PPP1R9A: variants seen among roughly 807,000 people sequenced by gnomAD.
The protein encoded by PPP1R9A is neurabin-1.
Under a neutral mutation model 141.9 loss-of-function variants are expected in PPP1R9A, and 59 were observed. The observed-to-expected ratio is 0.42, with a 90% CI of 0.34 to 0.52. The LOEUF is 0.52. PPP1R9A is among the 20% of genes least tolerant of loss of function. The pLI is 0.10. For missense variants in PPP1R9A, 1,444 were observed against 1,611.9 expected (o/e 0.90, Z 1.78); for synonymous variants, 500 against 569.7 (o/e 0.88, Z 1.74).
chr7:94,911,263 C>T lies in PPP1R9A; in HGVS notation c.1150C>T (p.Pro384Ser). ...ASASSCGKEV[P>S]EDSNNFDGSH... is the part of the protein sequence containing the mutation. ...TGCATCCAGTTGTGGAAAAGAAGTA[C>T]CTGAAGATTCAAATAATTTTGATGG... Residue 384 changes from proline (P) to serine (S), a missense_variant, in exon 2 of 20, where the codon CCT (proline) becomes TCT (serine). Pro to Ser is a moderately conservative substitution (Grantham distance 74, BLOSUM62 -1). Around this residue, in one of 5 missense-constraint regions of PPP1R9A, gnomAD observed 490 missense variants for 521.1 expected, o/e 0.94. Coordinates refer to ENST00000433360, the MANE Select transcript of PPP1R9A (RefSeq NM_001166160.2). 2.5e-6 allele frequency: 4 copies of T among 1,614,070 alleles called. No individual in the cohort carries two copies. The highest frequency in any genetic ancestry group is 3.4e-6 in the Non-Finnish European group (4 of 1,180,016).
chr7:95,050,387 G>A (rs1413240571), intron 2 of PPP1R9A, among the ~76,000 whole-genome samples: 1 of 152,098 alleles, frequency 6.6e-6, no homozygotes, highest in Non-Finnish European at 1.5e-5. Context: ...GATACCTCTT[G>A]TGATAGGCAT....
Position 95,060,656 on chromosome 7 carries a change from A to T in PPP1R9A, c.1396-50603A>T, listed in dbSNP as rs146437343. On this transcript the variant is annotated intron_variant, in intron 2 of 19. Transcript: ENST00000433360. ...TCCCCCATAAGTTACAACTGGATTT[A>T]GATGCTGACATCATCTAGATATGGT... Among the ~76,000 whole-genome samples, 12 of 152,344 alleles carry T rather than the reference A, an allele frequency of 7.9e-5. No individual in the cohort carries two copies. In the East Asian group the frequency reaches 1.9e-3, roughly 24 times the overall value.
chr7:95,172,207 A>G (rs1005357965), intron 5 of PPP1R9A, among the ~76,000 whole-genome samples: 1 of 151,626 alleles, frequency 6.6e-6, no homozygotes, highest in Non-Finnish European at 1.5e-5. Flanking sequence ...AAATATCTCT[A>G]CCCTCACCAC....
chr7:95,086,011 TTC>T (rs1382991540), intron 2 of PPP1R9A, among the ~76,000 whole-genome samples: 10 of 152,048 alleles, frequency 6.6e-5, no homozygotes, highest in African/African-American at 2.4e-4. Flanking sequence ...TGTGTTTTTT[TTC>T]TTTTTTTAAA....
At chr7:95,037,609 A>G (rs1161225911) in intron 2 of PPP1R9A, among the ~76,000 whole-genome samples, 1 of 152,196 alleles carries the variant, frequency 6.6e-6, no homozygotes, top group African/African-American at 2.4e-5. Flanking sequence ...GTTGCTCTCT[A>G]TCATTAGCAC....
chr7:94,996,103 A>G (rs1381286296), intron 2 of PPP1R9A, among the ~76,000 whole-genome samples: 2 of 152,176 alleles, frequency 1.3e-5, no homozygotes, highest in Non-Finnish European at 2.9e-5. Context: ...CCAGTCTGGT[A>G]GAAGGACTGG....
chr7:95,125,206 C>T (rs1419073786), intron 4 of PPP1R9A, among the ~76,000 whole-genome samples: 1 of 152,102 alleles, frequency 6.6e-6, no homozygotes, highest in Non-Finnish European at 1.5e-5. Context: ...ACCTCAAACT[C>T]TTGGGCTCAA....
Position 95,262,324 on chromosome 7 carries a change from C to T in PPP1R9A, c.2666-6226C>T, listed in dbSNP as rs563084239. On this transcript the variant is annotated intron_variant, in intron 12 of 19. Transcript: ENST00000433360. ...GTCATTTGATTACATTTTTGTATTT[C>T]CCTGGCTTTTAGGTTATGCAGATCT... is the stretch of plus-strand genomic sequence containing the variant. Among the ~76,000 whole-genome samples the T allele has an allele frequency of 1.8e-3, 278 of 152,270 alleles. 1 individual carries two copies. The highest frequency in any genetic ancestry group is 6.4e-3 in the African/African-American group (268 of 41,578).
chr7:95,148,434 A>C (rs575008781), intron 4 of PPP1R9A, among the ~76,000 whole-genome samples: 2 of 152,332 alleles, frequency 1.3e-5, no homozygotes, highest in South Asian at 4.1e-4. Flanking sequence ...CTCTGTGCCC[A>C]CAAGTTTGAC....
At chr7:95,224,596 A>T (rs1005217513) in intron 7 of PPP1R9A, among the ~76,000 whole-genome samples, 11 of 152,156 alleles carry the variant, frequency 7.2e-5, no homozygotes, top group African/African-American at 2.7e-4. Flanking sequence ...GGCAACTAGA[A>T]TTATTTTATT....
intron 2 of PPP1R9A, among the ~76,000 whole-genome samples, chr7:95,017,901 T>C (rs1203095557): frequency 6.6e-6 from 1 of 152,232 alleles, no homozygotes; most frequent in Non-Finnish European, 1.5e-5. Flanking sequence ...TGTTCTAGAC[T>C]ATCTTTCCAA....
chr7:95,019,877 A>T (rs1563128702), intron 2 of PPP1R9A, among the ~76,000 whole-genome samples: 1 of 152,178 alleles, frequency 6.6e-6, no homozygotes, highest in Non-Finnish European at 1.5e-5. Flanking sequence ...AAATGAAAAC[A>T]TGTGCCCATA....
intron 2 of PPP1R9A, among the ~76,000 whole-genome samples, chr7:95,082,827 CT>C (rs1002067592): frequency 7.0e-6 from 1 of 143,086 alleles, no homozygotes; most frequent in Non-Finnish European, 1.5e-5. Flanking sequence ...GCGAACTCGG[CT>C]CACTGCAAGC....
intron 2 of PPP1R9A, among the ~76,000 whole-genome samples, chr7:94,922,912 CT>C (rs1403790167): frequency 6.6e-6 from 1 of 152,094 alleles, no homozygotes; most frequent in Non-Finnish European, 1.5e-5. Context: ...AACAAAAACA[CT>C]TTTTAAAATG....
At chr7:95,125,076 A>T (rs1172941822) in intron 4 of PPP1R9A, among the ~76,000 whole-genome samples, 2 of 152,326 alleles carry the variant, frequency 1.3e-5, no homozygotes, top group African/African-American at 4.8e-5. Flanking sequence ...ACTTTATCCT[A>T]TGATGCCTTA....
At chr7:95,071,039 T>C (rs1813748809) in intron 2 of PPP1R9A, among the ~76,000 whole-genome samples, 1 of 151,966 alleles carries the variant, frequency 6.6e-6, no homozygotes. Flanking sequence ...CATATCAAAC[T>C]GGAAGGTAGT....
At chr7:95,148,687 A>AC (rs1828084478) in intron 4 of PPP1R9A, among the ~76,000 whole-genome samples, 1 of 140,572 alleles carries the variant, frequency 7.1e-6, no homozygotes, top group Admixed American at 7.2e-5. Flanking sequence ...CTCTAAAAAT[A>AC]CAAAAAAAAA....
chr7:95,079,801 A>G (rs1815501508), intron 2 of PPP1R9A, among the ~76,000 whole-genome samples: 2 of 152,238 alleles, frequency 1.3e-5, no homozygotes, highest in African/African-American at 4.8e-5. Context: ...AAATCAATAA[A>G]TGTAATCCGG....
intron 2 of PPP1R9A, among the ~76,000 whole-genome samples, chr7:95,060,095 A>G (rs555559941): frequency 8.9e-4 from 136 of 152,314 alleles, no homozygotes; most frequent in African/African-American, 3.1e-3. Context: ...GTTCTCCCAC[A>G]CAGCAGAGGT....
Sources: allele counts gnomAD v4.1 joint callset (sites outside exome capture counted in the v4.1 genomes callset), GRCh38; gene constraint gnomAD v4.1.1; regional missense constraint gnomAD v4.1.1; transcripts MANE v1.5; gene names NCBI Gene and HGNC (gene_info 2026-07-23, HGNC 2026-07-21).